Variants in SNTG1 observed in about 807,000 individuals in gnomAD.
SNTG1 encodes the protein gamma-1-syntrophin.
A neutral mutation model predicts 74.7 loss-of-function variants in SNTG1; 39 were observed. The ratio of observed to expected loss-of-function variants is 0.52; its 90% CI spans 0.40 to 0.68. The LOEUF is 0.68. Among genes scored for constraint, SNTG1 ranks in the 30% least tolerant of loss-of-function variants. The pLI, the probability that SNTG1 is intolerant of heterozygous loss-of-function variation, is 0.00. For missense variants in SNTG1, 685 were observed against 609.5 expected (o/e 1.12, Z -1.30); for synonymous variants, 254 against 217.1 (o/e 1.17, Z -1.49).
rs536674505 is a variant in SNTG1, at chr8:49,927,176, C to T, written c.-103+14945C>T. Among the ~76,000 whole-genome samples, 11 of 152,246 alleles carry T rather than the reference C, an allele frequency of 7.2e-5. No individual in the cohort carries two copies. The South Asian group carries it at 1.9e-3, about 26-fold the overall frequency. ...GTAGAAATGCAAAATGGTAGAGCCA[C>T]GTGGAATACAGTTGGGGACTTTTTT... is the stretch of plus-strand genomic sequence containing the variant. On this transcript the variant is annotated intron_variant, in intron 1 of 18. Transcript: ENST00000642720.
rs574675552 is a variant in SNTG1, at chr8:50,674,310, T to C, written c.1038+15647T>C. ...GCTGTGAATTTCCCTGGTCCTGGGC[T>C]TTTTTTGGTTGGTAGGCTATTAATT... On this transcript the variant is annotated intron_variant, in intron 15 of 18. Transcript: ENST00000642720. 4.0e-4 allele frequency among the ~76,000 whole-genome samples: 61 copies of C among 152,136 alleles called. 2 individuals are homozygous for C. In the South Asian group the frequency reaches 0.012, roughly 30 times the overall value.
chr8:50,267,979 T>C (rs1208285003), intron 2 of SNTG1, among the ~76,000 whole-genome samples: 1 of 152,194 alleles, frequency 6.6e-6, no homozygotes, highest in African/African-American at 2.4e-5. Context: ...AAACTATTCC[T>C]GTTTACCAAT....
chr8:50,261,373 G>T (rs748045830), intron 2 of SNTG1, among the ~76,000 whole-genome samples: 2 of 152,130 alleles, frequency 1.3e-5, no homozygotes, highest in Non-Finnish European at 2.9e-5. Context: ...GGATATTGTT[G>T]TTAGTAGCCC....
chr8:50,062,554 T>TA (rs1401609236), intron 1 of SNTG1, among the ~76,000 whole-genome samples: 7 of 152,346 alleles, frequency 4.6e-5, no homozygotes, highest in African/African-American at 1.7e-4. Flanking sequence ...TTTCTATCAC[T>TA]AATGCTGCCA....
chr8:50,108,878 C>T (rs1158488667), intron 1 of SNTG1, among the ~76,000 whole-genome samples: 1 of 152,006 alleles, frequency 6.6e-6, no homozygotes, highest in East Asian at 1.9e-4. Flanking sequence ...TTTGAAGAGG[C>T]CAGAGACCCA....
intron 1 of SNTG1, among the ~76,000 whole-genome samples, chr8:50,134,389 T>G (rs2131420803): frequency 6.6e-6 from 1 of 152,168 alleles, no homozygotes; most frequent in South Asian, 2.1e-4. Context: ...AGGCTTACAA[T>G]CAATGTAAGA....
intron 1 of SNTG1, among the ~76,000 whole-genome samples, chr8:50,121,743 C>A (rs1036364370): frequency 7.1e-6 from 1 of 141,490 alleles, no homozygotes; most frequent in African/African-American, 2.6e-5. Context: ...CACCTGCAGT[C>A]CCAGTTACTC....
chr8:50,554,388 A>C lies in SNTG1; in HGVS notation c.810+1209A>C, dbSNP rs184180415. 4.6e-3 allele frequency among the ~76,000 whole-genome samples: 706 copies of C among 152,056 alleles called. 11 individuals carry two copies. Among genetic ancestry groups the C allele is most frequent in the African/African-American group, 0.015 (604 of 41,480 alleles). On this transcript the variant is annotated intron_variant, in intron 12 of 18. Transcript: ENST00000642720. ...GGTGGATGATATGTTTCTTTCTATA[A>C]TCTTCAAAACTCTGTGTCACGCTGC...
chr8:50,750,733 AT>A (rs778358094), intron 17 of SNTG1, among the ~76,000 whole-genome samples: 8 of 152,074 alleles, frequency 5.3e-5, no homozygotes, highest in African/African-American at 1.2e-4. Flanking sequence ...AGGTATATAC[AT>A]TTTTTTAGGC....
chr8:50,265,704 A>G (rs1448096209), intron 2 of SNTG1, among the ~76,000 whole-genome samples: 1 of 152,082 alleles, frequency 6.6e-6, no homozygotes, highest in Non-Finnish European at 1.5e-5. Flanking sequence ...ATGGCATGAT[A>G]TTATAGGTAG....
At chr8:50,114,093 C>T (rs187679926) in intron 1 of SNTG1, among the ~76,000 whole-genome samples, 16 of 152,140 alleles carry the variant, frequency 1.1e-4, no homozygotes, top group Admixed American at 8.5e-4. Flanking sequence ...GACATAATAA[C>T]TAACAATTCA....
At chr8:50,233,546 T>C (rs1190911330) in intron 2 of SNTG1, among the ~76,000 whole-genome samples, 2 of 151,692 alleles carry the variant, frequency 1.3e-5, no homozygotes, top group African/African-American at 4.8e-5. Context: ...AGAAGCATGG[T>C]CCATCCAAAA....
intron 2 of SNTG1, among the ~76,000 whole-genome samples, chr8:50,202,672 T>C (rs965756623): frequency 6.6e-6 from 1 of 152,150 alleles, no homozygotes; most frequent in African/African-American, 2.4e-5. Context: ...CAGTATTATC[T>C]ATGGAAATAA....
chr8:50,484,182 TTCCTTCCTTCCTTCCTTCCTTCCTTC>T (rs1256877774), intron 8 of SNTG1, among the ~76,000 whole-genome samples: 2 of 118,172 alleles, frequency 1.7e-5, no homozygotes, highest in African/African-American at 2.8e-5. Flanking sequence ...CCTTCCTTCC[TTCCTTCCTTCCTTCCTTCCTTCCTTC>T]CTTCCTTCTT....
At chr8:50,526,344 C>A (rs2094219337) in intron 9 of SNTG1, among the ~76,000 whole-genome samples, 1 of 152,162 alleles carries the variant, frequency 6.6e-6, no homozygotes, top group South Asian at 2.1e-4. Context: ...TTGACACTTA[C>A]TTCTGATCAC....
chr8:49,992,859 C>A (rs1337613836), intron 1 of SNTG1, among the ~76,000 whole-genome samples: 1 of 152,138 alleles, frequency 6.6e-6, no homozygotes, highest in African/African-American at 2.4e-5. Context: ...AAAGTGCTCA[C>A]ACATACTAAA....
At chr8:50,007,817 TA>T (rs956135190) in intron 1 of SNTG1, among the ~76,000 whole-genome samples, 4 of 151,720 alleles carry the variant, frequency 2.6e-5, no homozygotes, top group Non-Finnish European at 4.4e-5. Flanking sequence ...GTAATTTATT[TA>T]AAAAAAAGGT....
At chr8:49,938,210 A>G (rs1466596954) in intron 1 of SNTG1, among the ~76,000 whole-genome samples, 2 of 152,172 alleles carry the variant, frequency 1.3e-5, no homozygotes, top group African/African-American at 4.8e-5. Context: ...TTGTAAAGCT[A>G]TTCTCAAGCT....
chr8:50,050,503 G>C (rs1488981022), intron 1 of SNTG1, among the ~76,000 whole-genome samples: 1 of 151,990 alleles, frequency 6.6e-6, no homozygotes, highest in Admixed American at 6.6e-5. Context: ...GTGTTTACTT[G>C]TGTATTCTTC....
Sources: gnomAD v4.1 joint callset for allele counts (sites outside exome capture counted in the v4.1 genomes callset) on GRCh38, gnomAD v4.1.1 for gene constraint, MANE v1.5 for transcripts, NCBI Gene and HGNC (gene_info 2026-07-23, HGNC 2026-07-21) for gene names.